The following GNG7 variants were observed in gnomAD, a reference collection of about 807,000 sequenced individuals.
The protein encoded by GNG7 is guanine nucleotide-binding protein G(I)/G(S)/G(O) subunit gamma-7.
Under a neutral mutation model 4.0 loss-of-function variants are expected in GNG7, and 1 was observed. The ratio of observed to expected loss-of-function variants is 0.25; its 90% CI spans 0.09 to 1.18. The LOEUF (loss-of-function observed/expected upper bound fraction) is 1.18, where lower values mean the gene tolerates loss of function less well. Ranked by LOEUF, GNG7 falls within the 50% of genes most tolerant of loss-of-function variation. The pLI is 0.50. For missense variants in GNG7, 86 were observed against 91.9 expected, an observed-to-expected ratio of 0.94 and a Z score of 0.26; for synonymous variants, 34 against 36.9, an observed-to-expected ratio of 0.92 and a Z score of 0.29.
At chr19:2,585,121 T>TGGAGGGAGGGAAGAAAAGA (rs1980633149) in intron 2 of GNG7, among the ~76,000 whole-genome samples, 2 of 63,386 alleles carry the variant, frequency 3.2e-5, no homozygotes, top group East Asian at 9.6e-4. Context: ...GGAAAGAAGG[T>TGGAGGGAGGGAAGAAAAGA]AGGAATGAAG....
At chr19:2,564,320 C>T (rs975862946) in intron 2 of GNG7, among the ~76,000 whole-genome samples, 1 of 152,072 alleles carries the variant, frequency 6.6e-6, no homozygotes, top group East Asian at 1.9e-4. Context: ...GTGGCTCACA[C>T]CTGTAAACCC....
intron 2 of GNG7, chr19:2,642,754 A>C (rs749368505): frequency 2.2e-6 from 1 of 455,882 alleles, no homozygotes; most frequent in Non-Finnish European, 4.4e-6. Context: ...TTGGCCTCTC[A>C]AAGTGCTGGG....
At chr19:2,542,263 C>T (rs73516679) in intron 3 of GNG7, among the ~76,000 whole-genome samples, 4,009 of 151,922 alleles carry the variant, frequency 0.026, 168 homozygotes, top group African/African-American at 0.092. Context: ...TACAGGCGCT[C>T]ACAACCACAT....
At chr19:2,581,700 T>C (rs1173100328) in intron 2 of GNG7, among the ~76,000 whole-genome samples, 1 of 152,238 alleles carries the variant, frequency 6.6e-6, no homozygotes, top group Non-Finnish European at 1.5e-5. Flanking sequence ...CAGGCCCCAT[T>C]CACTCTGCAT....
intron 1 of GNG7, among the ~76,000 whole-genome samples, chr19:2,686,283 G>A (rs1342498695): frequency 4.6e-5 from 7 of 151,716 alleles, no homozygotes; most frequent in Admixed American, 3.9e-4. Context: ...TCAGCCTCCC[G>A]AGTAGCTGGG....
In GNG7 at chr19:2,520,725, G is replaced by C; in HGVS notation, c.-37C>G. The C allele has an allele frequency of 1.6e-6, 2 of 1,255,610 alleles. No individual in the cohort carries two copies. The highest frequency in any genetic ancestry group is 2.3e-6 in the Non-Finnish European group (2 of 877,824). The allele number at this position is 1,255,610 out of a possible 1,614,324, so 77.8% of individuals were successfully genotyped here. A position where few individuals can be genotyped will look rare whatever the true frequency, so the allele number is the denominator to read the frequency against. On this transcript the variant is annotated splice_region_variant and 5_prime_UTR_variant, in exon 4 of 5. Coordinates refer to ENST00000382159, the MANE Select transcript of GNG7 (RefSeq NM_052847.3). ...AGCTCTGGGCCCCGTTGTTCAGAGA[G>C]CTGTGGGGGAAGCAGAGGGGTGTGG... is the stretch of plus-strand genomic sequence containing the variant.
chr19:2,666,594 G>A (rs764444680), intron 1 of GNG7, among the ~76,000 whole-genome samples: 34 of 152,202 alleles, frequency 2.2e-4, no homozygotes, highest in Non-Finnish European at 4.0e-4. Context: ...TTACAAGTGT[G>A]AGCCACCTTG....
intron 1 of GNG7, among the ~76,000 whole-genome samples, chr19:2,651,843 C>G (rs142772521): frequency 1.3e-3 from 193 of 151,616 alleles, no homozygotes; most frequent in Middle Eastern, 6.8e-3. Context: ...TGGGATGACA[C>G]GCATGAGCCA....
At chr19:2,593,617 G>A (rs62123680) in intron 2 of GNG7, among the ~76,000 whole-genome samples, 10,949 of 151,930 alleles carry the variant, frequency 0.072, 473 homozygotes, top group East Asian at 0.16. Context: ...GGGGGCGGCT[G>A]CCTGTAGTCC....
chr19:2,652,710 T>C (rs1240953172), intron 1 of GNG7, among the ~76,000 whole-genome samples: 1 of 151,244 alleles, frequency 6.6e-6, no homozygotes, highest in East Asian at 1.9e-4. Flanking sequence ...AAGGGGGAGA[T>C]GGGGGTCAGA....
chr19:2,578,763 C>G (rs1186618010), intron 2 of GNG7, among the ~76,000 whole-genome samples: 1 of 152,246 alleles, frequency 6.6e-6, no homozygotes, highest in Admixed American at 6.5e-5. Flanking sequence ...AGGAAGCCCC[C>G]CAACACCCCG....
intron 1 of GNG7, among the ~76,000 whole-genome samples, chr19:2,684,871 C>T (rs2144903500): frequency 6.6e-6 from 1 of 152,332 alleles, no homozygotes; most frequent in South Asian, 2.1e-4. Flanking sequence ...CGCCTGTAAT[C>T]CCAACACTCT....
chr19:2,553,776 T>C (rs950182946), intron 3 of GNG7, among the ~76,000 whole-genome samples: 6 of 146,992 alleles, frequency 4.1e-5, no homozygotes, highest in African/African-American at 1.0e-4. Context: ...GCATGTAATG[T>C]TATATCACAC....
intron 1 of GNG7, among the ~76,000 whole-genome samples, chr19:2,683,860 C>T (rs1453792108): frequency 6.6e-6 from 1 of 152,112 alleles, no homozygotes; most frequent in East Asian, 1.9e-4. Context: ...CGTGCAGAAA[C>T]AAGAAAGGAG....
At chr19:2,531,186 T>A (rs1312547809) in intron 3 of GNG7, among the ~76,000 whole-genome samples, 1 of 130,030 alleles carries the variant, frequency 7.7e-6, no homozygotes, top group African/African-American at 3.1e-5. Context: ...GTTCTTGTAA[T>A]CCCAGCTAGT....
intron 1 of GNG7, among the ~76,000 whole-genome samples, chr19:2,676,126 T>A (rs1265466291): frequency 6.6e-6 from 1 of 152,220 alleles, no homozygotes; most frequent in Non-Finnish European, 1.5e-5. Flanking sequence ...GCCGGCCACT[T>A]GCCAGATGCT....
intron 1 of GNG7, among the ~76,000 whole-genome samples, chr19:2,661,804 G>A (rs1010346206): frequency 3.3e-5 from 5 of 152,040 alleles, no homozygotes; most frequent in African/African-American, 4.8e-5. Context: ...ACATGAGGGC[G>A]CCCTCTTGAA....
intron 1 of GNG7, among the ~76,000 whole-genome samples, chr19:2,686,306 C>T (rs191094708): frequency 2.6e-5 from 4 of 152,102 alleles, no homozygotes; most frequent in East Asian, 1.9e-4. Flanking sequence ...TACAGGCACC[C>T]GCCACCACGC....
intron 4 of GNG7, among the ~76,000 whole-genome samples, chr19:2,517,969 T>C (rs7254976): frequency 0.9 from 137,288 of 152,224 alleles, 62,114 homozygotes; most frequent in East Asian, 1. Flanking sequence ...GCCCGCCGGC[T>C]GCGGCCTGTG....
Sources: gnomAD v4.1 joint callset for allele counts (sites outside exome capture counted in the v4.1 genomes callset) on GRCh38, gnomAD v4.1.1 for gene constraint, MANE v1.5 for transcripts, NCBI Gene and HGNC (gene_info 2026-07-23, HGNC 2026-07-21) for gene names.